The following ZNF407 variants were observed in gnomAD, a reference collection of about 807,000 sequenced individuals.
The protein encoded by ZNF407 is zinc finger protein 407.
A neutral mutation model predicts 131.2 loss-of-function variants in ZNF407; 17 were observed. That is an observed-to-expected ratio of 0.13 (90% CI 0.09 to 0.19). The LOEUF (loss-of-function observed/expected upper bound fraction) is 0.19, where lower values mean the gene tolerates loss of function less well. ZNF407 is among the 10% of genes least tolerant of loss of function. The pLI is 1.00. For synonymous variants in ZNF407, 1,156 were observed against 1,062.0 expected (o/e 1.09, Z -1.72); for missense variants, 2,681 against 2,830.6 (o/e 0.95, Z 1.20).
chr18:74,929,315 G>A (rs1599249474), intron 8 of ZNF407, among the ~76,000 whole-genome samples: 1 of 152,054 alleles, frequency 6.6e-6, no homozygotes, highest in Non-Finnish European at 1.5e-5. Flanking sequence ...TTACCTCATG[G>A]CAGGCAGCAC....
intron 4 of ZNF407, among the ~76,000 whole-genome samples, chr18:74,836,276 C>T (rs913717753): frequency 6.6e-6 from 1 of 152,196 alleles, no homozygotes; most frequent in African/African-American, 2.4e-5. Context: ...CACCTTTCTG[C>T]CCTCTCCCCT....
intron 8 of ZNF407, among the ~76,000 whole-genome samples, chr18:74,962,537 C>T (rs1972358137): frequency 6.6e-6 from 1 of 152,252 alleles, no homozygotes; most frequent in Non-Finnish European, 1.5e-5. Context: ...TGACCCCCGC[C>T]ACTCTTGGGC....
chr18:75,059,081 G>T (rs1320895426), intron 8 of ZNF407, among the ~76,000 whole-genome samples: 1 of 152,206 alleles, frequency 6.6e-6, no homozygotes, highest in Non-Finnish European at 1.5e-5. Context: ...GGACATTGGT[G>T]TTGCTAGGCT....
intron 8 of ZNF407, among the ~76,000 whole-genome samples, chr18:75,022,578 C>T (rs760185226): frequency 3.9e-5 from 6 of 152,106 alleles, no homozygotes; most frequent in Non-Finnish European, 5.9e-5. Flanking sequence ...TGAAATAATG[C>T]ATGTAAAAAT....
intron 8 of ZNF407, among the ~76,000 whole-genome samples, chr18:74,970,260 C>A (rs1427646639): frequency 6.6e-6 from 1 of 151,946 alleles, no homozygotes; most frequent in Non-Finnish European, 1.5e-5. Context: ...CCATATCATT[C>A]CTCCCCTGGG....
At chr18:75,031,486 CTTTTG>C (rs1442717819) in intron 8 of ZNF407, among the ~76,000 whole-genome samples, 4 of 152,170 alleles carry the variant, frequency 2.6e-5, no homozygotes, top group African/African-American at 4.8e-5. Flanking sequence ...ATTAATTAGA[CTTTTG>C]TTTTGCTAGT....
chr18:74,771,728 ATTC>A (rs2145002147), intron 3 of ZNF407, among the ~76,000 whole-genome samples: 1 of 152,120 alleles, frequency 6.6e-6, no homozygotes, highest in Admixed American at 6.5e-5. Context: ...AAGCATAATT[ATTC>A]TTGATAACTG....
At chr18:74,923,262 C>A (rs1369973712) in intron 8 of ZNF407, among the ~76,000 whole-genome samples, 1 of 149,104 alleles carries the variant, frequency 6.7e-6, no homozygotes, top group African/African-American at 2.5e-5. Flanking sequence ...TATTTGTAAA[C>A]GTAATATTCC....
intron 3 of ZNF407, among the ~76,000 whole-genome samples, chr18:74,704,864 A>G (rs1050855871): frequency 6.6e-6 from 1 of 152,226 alleles, no homozygotes; most frequent in Non-Finnish European, 1.5e-5. Flanking sequence ...ACTATCATGT[A>G]TTGAGCCTTG....
chr18:75,014,002 G>T (rs537519200), intron 8 of ZNF407, among the ~76,000 whole-genome samples: 1 of 152,104 alleles, frequency 6.6e-6, no homozygotes, highest in Non-Finnish European at 1.5e-5. Context: ...AAATCCTATA[G>T]AAGCTTTATA....
intron 8 of ZNF407, among the ~76,000 whole-genome samples, chr18:74,937,982 T>A (rs1046567395): frequency 1.3e-5 from 2 of 152,214 alleles, no homozygotes; most frequent in Non-Finnish European, 2.9e-5. Flanking sequence ...TCACATGTGA[T>A]ATTATTATTA....
intron 8 of ZNF407, among the ~76,000 whole-genome samples, chr18:74,955,927 A>G (rs1450929611): frequency 6.6e-6 from 1 of 152,196 alleles, no homozygotes; most frequent in Non-Finnish European, 1.5e-5. Flanking sequence ...ACTTTTTTGT[A>G]CATTACATGA....
intron 3 of ZNF407, among the ~76,000 whole-genome samples, chr18:74,657,179 A>C (rs183755434): frequency 2.0e-5 from 3 of 150,958 alleles, no homozygotes; most frequent in Non-Finnish European, 4.4e-5. Flanking sequence ...TGGAAGGCAC[A>C]GTTTTCTTGA....
At chr18:74,754,241 C>G (rs1027475147) in intron 3 of ZNF407, among the ~76,000 whole-genome samples, 1 of 151,984 alleles carries the variant, frequency 6.6e-6, no homozygotes, top group African/African-American at 2.4e-5. Context: ...TCTCTCTTTT[C>G]TTCTTCATTA....
At chr18:75,042,066 T>G (rs1269042571) in intron 8 of ZNF407, among the ~76,000 whole-genome samples, 2 of 151,834 alleles carry the variant, frequency 1.3e-5, no homozygotes, top group Non-Finnish European at 2.9e-5. Flanking sequence ...TCCTTTTTTT[T>G]TTTTTTTCTT....
At chr18:74,921,701 G>A (rs1392151678) in intron 8 of ZNF407, among the ~76,000 whole-genome samples, 2 of 152,182 alleles carry the variant, frequency 1.3e-5, no homozygotes, top group Non-Finnish European at 2.9e-5. Context: ...CTAGGAGTTT[G>A]AATGAACTCT....
intron 8 of ZNF407, among the ~76,000 whole-genome samples, chr18:75,028,582 C>G (rs1236096099): frequency 6.6e-6 from 1 of 152,202 alleles, no homozygotes; most frequent in Non-Finnish European, 1.5e-5. Flanking sequence ...AAACAAATAC[C>G]TCTAAGTGAC....
intron 4 of ZNF407, among the ~76,000 whole-genome samples, chr18:74,782,760 A>T (rs1430196301): frequency 2.0e-5 from 3 of 152,020 alleles, no homozygotes; most frequent in African/African-American, 7.3e-5. Flanking sequence ...CTGGGACTAT[A>T]GGCACCCGCC....
At chr18:75,037,770 T>C (rs1293288516) in intron 8 of ZNF407, among the ~76,000 whole-genome samples, 1 of 152,218 alleles carries the variant, frequency 6.6e-6, no homozygotes, top group Non-Finnish European at 1.5e-5. Flanking sequence ...CACAGTTCCA[T>C]TTCTGTACAG....
Sources: allele counts gnomAD v4.1 joint callset (sites outside exome capture counted in the v4.1 genomes callset), GRCh38; gene constraint gnomAD v4.1.1; transcripts MANE v1.5; gene names NCBI Gene and HGNC (gene_info 2026-07-23, HGNC 2026-07-21).